Variants in AP2B1 observed in about 807,000 individuals in gnomAD.
The protein encoded by AP2B1 is AP-2 complex subunit beta.
Under a neutral mutation model 102.0 loss-of-function variants are expected in AP2B1, and 23 were observed. The ratio of observed to expected loss-of-function variants is 0.23; its 90% CI spans 0.16 to 0.32. AP2B1 has a LOEUF of 0.32. Among genes scored for constraint, AP2B1 ranks in the 10% least tolerant of loss-of-function variants. AP2B1 has a pLI of 1.00. For missense variants in AP2B1, 541 were observed against 1,157.4 expected, an observed-to-expected ratio of 0.47 and a Z score of 7.73; for synonymous variants, 381 against 421.2, an observed-to-expected ratio of 0.90 and a Z score of 1.17.
Position 35,618,788 on chromosome 17 carries a change from G to T in AP2B1, c.526-5609G>T, listed in dbSNP as rs140931500. Among the ~76,000 whole-genome samples, 11 of 152,070 alleles carry T rather than the reference G, an allele frequency of 7.2e-5. No individual in the cohort carries two copies. In the Middle Eastern group the frequency reaches 0.01, roughly 141 times the overall value. ...GCTCACTCCTTTTTTAACAAAATGA[G>T]GTCAAATTTATTATCCTCAACTGCT... is the stretch of plus-strand genomic sequence containing the variant. On this transcript the variant is annotated intron_variant, in intron 5 of 21. Coordinates refer to ENST00000610402, the MANE Select transcript of AP2B1 (RefSeq NM_001030006.2).
chr17:35,690,619 C>T (rs1039716284), intron 18 of AP2B1, among the ~76,000 whole-genome samples: 2 of 152,168 alleles, frequency 1.3e-5, no homozygotes, highest in African/African-American at 2.4e-5. Context: ...TTAATCCTCT[C>T]GTTTTTAACA....
intron 12 of AP2B1, among the ~76,000 whole-genome samples, chr17:35,650,045 G>A (rs141000081): frequency 3.9e-3 from 587 of 152,168 alleles, no homozygotes; most frequent in African/African-American, 0.013. Flanking sequence ...TGCCTCCTGG[G>A]TTCAAGCTAT....
At chr17:35,676,402 GTTTC>G (rs1486889867) in intron 17 of AP2B1, among the ~76,000 whole-genome samples, 5 of 151,972 alleles carry the variant, frequency 3.3e-5, no homozygotes, top group Non-Finnish European at 7.4e-5. Flanking sequence ...CTTGTATCTG[GTTTC>G]TTTCTATTAG....
intron 13 of AP2B1, among the ~76,000 whole-genome samples, chr17:35,656,923 A>G (rs960370058): frequency 2.6e-5 from 4 of 151,592 alleles, no homozygotes; most frequent in Admixed American, 2.6e-4. Context: ...ACTAGTTTTC[A>G]AAGTTTTATT....
chr17:35,605,728 A>G lies in AP2B1; in HGVS notation c.167A>G (p.Asn56Ser). 2 of 1,613,498 alleles carry G rather than the reference A, an allele frequency of 1.2e-6. No individual in the cohort carries two copies. The highest frequency in any genetic ancestry group is 1.7e-6 in the Non-Finnish European group (2 of 1,179,644). Residue 56 changes from asparagine (N) to serine (S), a missense_variant, in exon 4 of 22, where the codon AAC (asparagine) becomes AGC (serine). Around this residue, in one of 10 missense-constraint regions of AP2B1, gnomAD observed 18 missense variants for 23.8 expected, o/e 0.76. Transcript: ENST00000610402. ...DVSSLFPDVV[N>S]CMQTDNLELK... The stretch of plus-strand genomic sequence containing the variant: ...AGTTCTCTCTTTCCAGACGTAGTGA[A>G]CTGTATGCAGACTGACAATCTGGAA...
intron 1 of AP2B1, chr17:35,587,908 C>T (rs1321184826): frequency 2.0e-5 from 3 of 152,140 alleles, no homozygotes; most frequent in African/African-American, 7.2e-5. Context: ...GAGACAACCT[C>T]TTCCCTGCTC....
chr17:35,663,035 G>C (rs1441380132), intron 14 of AP2B1, among the ~76,000 whole-genome samples: 2 of 152,150 alleles, frequency 1.3e-5, no homozygotes, highest in South Asian at 2.1e-4. Flanking sequence ...TTACCTTTCA[G>C]ATTATTAAGT....
chr17:35,632,381 C>A (rs780911572), intron 9 of AP2B1, among the ~76,000 whole-genome samples: 1 of 152,142 alleles, frequency 6.6e-6, no homozygotes, highest in Non-Finnish European at 1.5e-5. Flanking sequence ...ATGATCCACC[C>A]GCCTTGGCCT....
At chr17:35,669,956 T>TA (rs2142947612) in intron 14 of AP2B1, among the ~76,000 whole-genome samples, 1 of 152,344 alleles carries the variant, frequency 6.6e-6, no homozygotes, top group South Asian at 2.1e-4. Flanking sequence ...TAGTTGTGTT[T>TA]ATGTGTGTTT....
At chr17:35,660,212 CT>C in intron 14 of AP2B1, 1 of 354,976 alleles carries the variant, frequency 2.8e-6, no homozygotes, top group Non-Finnish European at 3.9e-6. Context: ...AACTCCTGGG[CT>C]CAAGCAATCC....
intron 2 of AP2B1, among the ~76,000 whole-genome samples, chr17:35,595,136 G>A (rs1349400018): frequency 6.6e-6 from 1 of 152,144 alleles, no homozygotes; most frequent in Non-Finnish European, 1.5e-5. Context: ...TTCAGTCTTG[G>A]CAACACATCA....
Position 35,627,356 on chromosome 17 carries a change from T to C in AP2B1, c.939-29T>C, listed in dbSNP as rs752797087. ...GGGTATATCAGTATATGCCTTCACC[T>C]TCCTTTCTTCTGTTTCTGTGTACCC... On this transcript the variant is annotated intron_variant, in intron 7 of 21. Coordinates refer to ENST00000610402, the MANE Select transcript of AP2B1 (RefSeq NM_001030006.2). 1.8e-5 allele frequency: 28 copies of C among 1,514,148 alleles called. No homozygotes were observed. In the Admixed American group the frequency reaches 4.7e-4, roughly 26 times the overall value. The allele number at this position is 1,514,148 out of a possible 1,614,324, so 93.8% of individuals were successfully genotyped here.
At chr17:35,648,318 C>T (rs2074992703) in intron 12 of AP2B1, among the ~76,000 whole-genome samples, 1 of 152,078 alleles carries the variant, frequency 6.6e-6, no homozygotes, top group Admixed American at 6.6e-5. Flanking sequence ...GAGTTCAAGA[C>T]CAGCCTGGCC....
At chr17:35,635,617 C>G (rs1156951880) in intron 9 of AP2B1, among the ~76,000 whole-genome samples, 1 of 152,168 alleles carries the variant, frequency 6.6e-6, no homozygotes, top group Non-Finnish European at 1.5e-5. Context: ...CTCCTGACCT[C>G]ATGATCCAGC....
chr17:35,684,254 T>C (rs1259002955), intron 18 of AP2B1, among the ~76,000 whole-genome samples: 1 of 152,184 alleles, frequency 6.6e-6, no homozygotes, highest in African/African-American at 2.4e-5. Context: ...GGACTGGTAC[T>C]GTCCCCACCC....
rs3031833 is a variant in AP2B1, at chr17:35,614,655, TAAAAAAAAAA to T, written c.525+6284_525+6293del. Among the ~76,000 whole-genome samples, 6 of 93,168 alleles carry T rather than the reference TAAAAAAAAAA, an allele frequency of 6.4e-5. No individual in the cohort carries two copies. The South Asian group carries it at 2.1e-3, about 33-fold the overall frequency. The allele number at this position is 93,168 out of a possible 152,430, so 61.1% of individuals were successfully genotyped here. A position where few individuals can be genotyped will look rare whatever the true frequency, so the allele number is the denominator to read the frequency against. ...GCAAAATTGCAAACTGTTGAATTAG[TAAAAAAAAAA>T]AAAAAAAAAAAAAAATTTCTCATTT... On this transcript the variant is annotated intron_variant, in intron 5 of 21. Transcript: ENST00000610402.
At chr17:35,610,596 C>T (rs1315742854) in intron 5 of AP2B1, among the ~76,000 whole-genome samples, 2 of 136,652 alleles carry the variant, frequency 1.5e-5, no homozygotes, top group African/African-American at 5.5e-5. Flanking sequence ...GACCCTGTCT[C>T]TACAAAAATT....
chr17:35,607,393 G>C (rs1182979194), intron 4 of AP2B1, among the ~76,000 whole-genome samples: 1 of 152,176 alleles, frequency 6.6e-6, no homozygotes, highest in Non-Finnish European at 1.5e-5. Flanking sequence ...GAACGTAACA[G>C]TTTGTTCTCC....
chr17:35,656,753 T>TAGC (rs2075234554), intron 13 of AP2B1, among the ~76,000 whole-genome samples: 1 of 151,948 alleles, frequency 6.6e-6, no homozygotes, highest in African/African-American at 2.4e-5. Flanking sequence ...GGCACGGTGG[T>TAGC]GGGCGCCTGT....
Sources: gnomAD v4.1 joint callset for allele counts (sites outside exome capture counted in the v4.1 genomes callset) on GRCh38, gnomAD v4.1.1 for gene constraint, gnomAD v4.1.1 regional missense constraint, MANE v1.5 for transcripts, NCBI Gene and HGNC (gene_info 2026-07-23, HGNC 2026-07-21) for gene names.